The following TEDC1 variants were observed in gnomAD, a reference collection of about 807,000 sequenced individuals.
TEDC1 encodes the protein tubulin epsilon and delta complex protein 1.
In TEDC1, 54 loss-of-function variants were observed where a neutral mutation model predicts 59.9. The ratio of observed to expected loss-of-function variants is 0.90; its 90% CI spans 0.72 to 1.13. The LOEUF (loss-of-function observed/expected upper bound fraction) is 1.13, where lower values mean the gene tolerates loss of function less well. TEDC1 is among the 50% of genes most tolerant of loss of function. The probability of loss-of-function intolerance (pLI) is 0.00; values close to 1 mark genes in which losing one functional copy is unlikely to be tolerated. For missense variants in TEDC1, 734 were observed against 683.4 expected (o/e 1.07, Z -0.83); for synonymous variants, 353 against 298.1 (o/e 1.18, Z -1.90).
intron 6 of TEDC1, 115 bp downstream of exon 6, chr14:105,496,201 C>T (rs1356765425): frequency 9.8e-7 from 1 of 1,025,538 alleles, no homozygotes; most frequent in Non-Finnish European, 1.4e-6. Context: ...ACCCCTGGCC[C>T]TTACCTTCTT....
chr14:105,498,307 A>G (rs1417051182), intron 8 of TEDC1, among the ~76,000 whole-genome samples: 1 of 152,068 alleles, frequency 6.6e-6, no homozygotes, highest in Non-Finnish European at 1.5e-5. Flanking sequence ...CCTGCCTGGG[A>G]CCCGTCTAAC....
Position 105,492,584 on chromosome 14 carries a change from G to A in TEDC1, c.435G>A (p.Glu145=), listed in dbSNP as rs113322422. 1.5e-5 allele frequency: 23 copies of A among 1,538,764 alleles called. No individual in the cohort carries two copies. Among genetic ancestry groups the A allele is most frequent in the African/African-American group, 8.2e-5 (6 of 73,176 alleles). Reference sequence around the variant, plus strand: ...TGACCCTTGCCCCTCTCCAGTGTGAGGCCCTGGCCAGCCCTGGCCCACCTG... The same window carrying A: ...TGACCCTTGCCCCTCTCCAGTGTGAAGCCCTGGCCAGCCCTGGCCCACCTG... ...LGDEMTVCQC[E]ALASPGPPAP... is the part of the protein sequence containing the mutation. The change falls in exon 4 of 9, where the codon GAG becomes GAA. Residue 145 remains glutamate (E), a synonymous_variant. Coordinates refer to ENST00000392523, the MANE Select transcript of TEDC1 (RefSeq NM_001367178.1).
Position 105,491,465 on chromosome 14 carries a change from GC to G in TEDC1, c.93del (p.Ser32ArgfsTer51). 1 of 1,467,316 alleles carries G rather than the reference GC, an allele frequency of 6.8e-7. No individual in the cohort carries two copies. The allele number at this position is 1,467,316 out of a possible 1,614,324, so 90.9% of individuals were successfully genotyped here. On this transcript the variant is annotated frameshift_variant, in exon 1 of 9. Coordinates refer to ENST00000392523, the MANE Select transcript of TEDC1 (RefSeq NM_001367178.1). LOFTEE classifies it high-confidence loss of function. The part of the protein sequence containing the change: ...EAIAALSRSL[P>X]SGPSPEIFRR... Reference sequence around the variant, plus strand: ...CCATCGCCGCGTTGAGTCGGTCGCTGCCCTCGGGACCCAGCCCCGAGATCTT... The same window carrying G: ...CCATCGCCGCGTTGAGTCGGTCGCTGCCTCGGGACCCAGCCCCGAGATCTT...
chr14:105,490,940 G>A, upstream of TEDC1: 2 of 1,233,274 alleles, frequency 1.6e-6, no homozygotes, highest in Non-Finnish European at 2.3e-6. Context: ...TGACGATTGA[G>A]CCTGCAAGGG....
At chr14:105,490,052 C>G (rs1469188458), upstream of TEDC1, 1 of 152,188 alleles carries the variant, frequency 6.6e-6, no homozygotes, top group African/African-American at 2.4e-5. Context: ...GGGTGAGGAG[C>G]GCAGTCCTCC....
At chr14:105,498,514 A>T (rs2084397502) in intron 8 of TEDC1, 103 bp from the exon 9 acceptor site, 1 of 1,279,362 alleles carries the variant, frequency 7.8e-7, no homozygotes. Flanking sequence ...CGTTTCCCGC[A>T]TGCCTGCAGC....
chr14:105,493,535 C>T (rs587642534), intron 4 of TEDC1, among the ~76,000 whole-genome samples: 1 of 152,310 alleles, frequency 6.6e-6, no homozygotes, highest in Non-Finnish European at 1.5e-5. Context: ...TCCCCCGATG[C>T]TGCTGGGGAA....
chr14:105,491,467 C>T lies in TEDC1; in HGVS notation c.92C>T (p.Pro31Leu), dbSNP rs1276288681. The change falls in exon 1 of 9, where the codon CCC (proline) becomes CTC (leucine). Residue 31 changes from proline (P) to leucine (L), a missense_variant. Coordinates refer to ENST00000392523, the MANE Select transcript of TEDC1 (RefSeq NM_001367178.1). ...EAIAALSRSL[P>L]SGPSPEIFRR... ...ATCGCCGCGTTGAGTCGGTCGCTGCCCTCGGGACCCAGCCCCGAGATCTTC... is the reference window on the plus strand; with the variant it reads ...ATCGCCGCGTTGAGTCGGTCGCTGCTCTCGGGACCCAGCCCCGAGATCTTC... 1.5e-5 allele frequency: 22 copies of T among 1,474,692 alleles called. No homozygotes were observed. The highest frequency in any genetic ancestry group is 2.0e-5 in the Non-Finnish European group (22 of 1,114,784). 91.4% of individuals were successfully genotyped at this position (1,474,692 alleles called of 1,614,324 possible).
chr14:105,498,797 C>T lies in TEDC1; in HGVS notation c.1339C>T (p.Arg447Trp), dbSNP rs147462508. ...EDGAAGDRDLRAAVVIRTLRS... is the reference protein window; with the variant it reads ...EDGAAGDRDLWAAVVIRTLRS... Reference sequence around the variant, plus strand: ...TGGGGCAGCAGGGGACCGGGACCTGCGGGCAGCTGTGGTGATCAGGACGCT... The same window carrying T: ...TGGGGCAGCAGGGGACCGGGACCTGTGGGCAGCTGTGGTGATCAGGACGCT... The change falls in exon 9 of 9, where the codon CGG becomes TGG. Residue 447 changes from arginine (R) to tryptophan (W), a missense_variant. Physicochemically the swap from Arg to Trp is moderately radical, Grantham distance 101. Transcript: ENST00000392523. The T allele has an allele frequency of 1.7e-4, 275 of 1,587,612 alleles. No individual in the cohort carries two copies. The highest frequency in any genetic ancestry group is 2.2e-4 in the Admixed American group (12 of 55,136).
At chr14:105,498,573 A>G in intron 8 of TEDC1, 44 bp from the exon 9 acceptor site, 2 of 1,478,660 alleles carry the variant, frequency 1.4e-6, no homozygotes, top group Non-Finnish European at 1.8e-6. Context: ...GCCTGAGGCC[A>G]GTGTCCTGGG....
In TEDC1 at chr14:105,493,865, G is replaced by T. The variant is rs147865275; in HGVS notation, c.616G>T (p.Asp206Tyr). 1 of 1,598,912 alleles carries T rather than the reference G, an allele frequency of 6.3e-7. No individual in the cohort carries two copies. The highest frequency in any genetic ancestry group is 8.5e-7 in the Non-Finnish European group (1 of 1,174,700). ...CCTGTACACACGCGGCTGCCACAGC[G>T]ACCAGAGCCTTAGCCATCTGTCTGT... is the stretch of plus-strand genomic sequence containing the variant. ...IHLYTRGCHSDQSLSHLSVTE... is the reference protein window; with the variant it reads ...IHLYTRGCHSYQSLSHLSVTE... The change falls in exon 5 of 9, where the codon GAC (aspartate) becomes TAC (tyrosine). Residue 206 changes from aspartate (D) to tyrosine (Y), a missense_variant. Asp to Tyr is a radical substitution (Grantham distance 160). Coordinates refer to ENST00000392523, the MANE Select transcript of TEDC1 (RefSeq NM_001367178.1).
chr14:105,498,820 G>A lies in TEDC1; in HGVS notation c.1362G>A (p.Thr454=), dbSNP rs782627530. ...RDLRAAVVIR[T]LRSQEACLEA... is the part of the protein sequence containing the mutation. ...TGCGGGCAGCTGTGGTGATCAGGAC[G>A]CTGAGGAGCCAGGAGGCCTGCCTGG... The change falls in exon 9 of 9, where the codon ACG becomes ACA. Residue 454 remains threonine, a synonymous_variant. Transcript: ENST00000392523. 80 of 1,603,094 alleles carry A rather than the reference G, an allele frequency of 5.0e-5. No homozygotes were observed. Among genetic ancestry groups the A allele is most frequent in the Non-Finnish European group, 5.0e-5 (59 of 1,176,166 alleles).
chr14:105,498,537 GTC>G, intron 8 of TEDC1, 78 bp from the exon 9 acceptor site: 9 of 1,424,112 alleles, frequency 6.3e-6, no homozygotes, highest in Non-Finnish European at 7.5e-6. Context: ...CTGCACCTGA[GTC>G]TGGGCTCAGG....
chr14:105,494,260 C>CTGGTGG (rs2084292122), intron 5 of TEDC1: 1 of 393,124 alleles, frequency 2.5e-6, no homozygotes, highest in Non-Finnish European at 4.8e-6. Context: ...CAGGTGTGAG[C>CTGGTGG]TGGTGGTGTT....
chr14:105,490,779 G>T, upstream of TEDC1: 1 of 531,376 alleles, frequency 1.9e-6, no homozygotes, highest in East Asian at 3.4e-5. Flanking sequence ...AAGGCGGCGC[G>T]ATGGGGCGAG....
At chr14:105,493,294 C>T (rs1555439865) in intron 4 of TEDC1, among the ~76,000 whole-genome samples, 1 of 151,958 alleles carries the variant, frequency 6.6e-6, no homozygotes, top group African/African-American at 2.4e-5. Context: ...CCCCATCCCA[C>T]CCTTGCAGAG....
At chr14:105,494,105 C>T (rs2084286719) in intron 5 of TEDC1, 172 bp downstream of exon 5, 4 of 627,710 alleles carry the variant, frequency 6.4e-6, no homozygotes, top group South Asian at 1.8e-5. Context: ...GACAGCTTCT[C>T]TGGGCCTCTC....
chr14:105,490,885 G>A, upstream of TEDC1: 1 of 854,340 alleles, frequency 1.2e-6, no homozygotes, highest in Non-Finnish European at 1.9e-6. Flanking sequence ...AGGGGCGTGA[G>A]GCGCTGATGG....
intron 5 of TEDC1, 87 bp from the exon 6 acceptor site, chr14:105,495,793 G>T (rs1294238593): frequency 1.8e-6 from 2 of 1,102,942 alleles, no homozygotes; most frequent in South Asian, 1.6e-5. Context: ...GGGCTGGGGG[G>T]GCCTGGAAGT....
Sources: gnomAD v4.1 joint callset for allele counts (sites outside exome capture counted in the v4.1 genomes callset) on GRCh38, gnomAD v4.1.1 for gene constraint, MANE v1.5 for transcripts, NCBI Gene and HGNC (gene_info 2026-07-23, HGNC 2026-07-21) for gene names.